The following CHRNA3 variants were observed in gnomAD, a reference collection of about 807,000 sequenced individuals.
CHRNA3 encodes the protein cholinergic receptor nicotinic alpha 3 subunit.
In CHRNA3, 34 loss-of-function variants were observed where a neutral mutation model predicts 41.9. The ratio of observed to expected loss-of-function variants is 0.81; its 90% CI spans 0.62 to 1.08. CHRNA3 has a LOEUF of 1.08. CHRNA3 is among the 50% of genes least tolerant of loss of function. CHRNA3 has a pLI of 0.00. For missense variants in CHRNA3, 542 were observed against 638.3 expected (o/e 0.85, Z 1.63); for synonymous variants, 281 against 265.2 (o/e 1.06, Z -0.58).
At chr15:78,613,220 G>A (rs925295936) in intron 4 of CHRNA3, among the ~76,000 whole-genome samples, 1 of 152,118 alleles carries the variant, frequency 6.6e-6, no homozygotes, top group Non-Finnish European at 1.5e-5. Flanking sequence ...CCATTACTGG[G>A]TATATACCCA....
In CHRNA3 at chr15:78,615,844, G is replaced by A. The variant is rs1377349040; in HGVS notation, c.377+1180C>T. On this transcript the variant is annotated intron_variant, in intron 4 of 5. Transcript: ENST00000326828. ...CAGCCTCTACCTACCAGGTTCAAGC[G>A]ATTCTCCTGCCTCAGCCTCTGGAGT... Among the ~76,000 whole-genome samples the A allele has an allele frequency of 2.0e-5, 3 of 148,244 alleles. No individual in the cohort carries two copies. The Admixed American group carries it at 2.0e-4, about 10-fold the overall frequency.
chr15:78,606,739 A>G (rs1473386793), intron 4 of CHRNA3, among the ~76,000 whole-genome samples: 1 of 151,756 alleles, frequency 6.6e-6, no homozygotes, highest in Non-Finnish European at 1.5e-5. Flanking sequence ...ACTAAAAAAA[A>G]TACAAAAAAA....
chr15:78,620,400 C>CGGGCAGCGCGGGGCAG, intron 1 of CHRNA3: 2 of 225,550 alleles, frequency 8.9e-6, no homozygotes, highest in Non-Finnish European at 1.8e-5. Flanking sequence ...AGCGCGGGGA[C>CGGGCAGCGCGGGGCAG]GCGAATCCCC....
chr15:78,620,737 G>T lies in CHRNA3; in HGVS notation c.58C>A (p.Leu20Met). Residue 20 changes from leucine to methionine, a missense_variant, in exon 1 of 6, where the codon CTG (leucine) becomes ATG (methionine). By Grantham distance (15) the Leu-to-Met change is conservative. Coordinates refer to ENST00000326828, the MANE Select transcript of CHRNA3 (RefSeq NM_000743.5). ...CCTGGCAGCAGAGACAGCAGCAGCA[G>T]CAGCAGCAGCCGCGGCGGCGACAGC... ...LALSPPRLLL[L>M]LLLSLLPVAR... is the part of the protein sequence containing the mutation. The T allele has an allele frequency of 6.7e-7, 1 of 1,500,710 alleles. No homozygotes were observed. Among genetic ancestry groups the T allele is most frequent in the Admixed American group, 2.1e-5 (1 of 47,996 alleles). The allele number at this position is 1,500,710 out of a possible 1,614,324, so 93.0% of individuals were successfully genotyped here.
At chr15:78,614,026 A>G (rs2053425973) in intron 4 of CHRNA3, among the ~76,000 whole-genome samples, 1 of 152,168 alleles carries the variant, frequency 6.6e-6, no homozygotes, top group South Asian at 2.1e-4. Flanking sequence ...AGGAGAAGAG[A>G]GAGAACATGA....
At chr15:78,594,198 T>C (rs967431073), downstream of CHRNA3, 2 of 152,252 alleles carry the variant, frequency 1.3e-5, no homozygotes, top group Non-Finnish European at 2.9e-5. Flanking sequence ...TAGCTTCCAC[T>C]GTAAAGTCAT....
Position 78,595,766 on chromosome 15 carries a change from T to G in CHRNA3, c.*838A>C, listed in dbSNP as rs774510192. On this transcript the variant is annotated 3_prime_UTR_variant, in exon 6 of 6. Transcript: ENST00000326828. ...CAGCGTGATTGTCTTAGATAGAAGGTGGGGCCTTGGAAAGGTGATTAGGCC... is the reference window on the plus strand; with the variant it reads ...CAGCGTGATTGTCTTAGATAGAAGGGGGGGCCTTGGAAAGGTGATTAGGCC... The G allele has an allele frequency of 6.6e-6, 1 of 152,368 alleles. No individual in the cohort carries two copies. Among genetic ancestry groups the G allele is most frequent in the East Asian group, 1.9e-4 (1 of 5,188 alleles). The allele number at this position is 152,368 out of a possible 1,614,324, so 9.4% of individuals were successfully genotyped here. A position where few individuals can be genotyped will look rare whatever the true frequency, so the allele number is the denominator to read the frequency against.
chr15:78,601,209 G>A (rs1234142603), intron 5 of CHRNA3, 44 bp downstream of exon 5: 11 of 1,578,778 alleles, frequency 7.0e-6, no homozygotes, highest in African/African-American at 1.4e-5. Context: ...ATAAATATTT[G>A]TTGAATGAAT....
Position 78,601,886 on chromosome 15 carries a change from G to C in CHRNA3, c.756C>G (p.Cys252Trp), listed in dbSNP as rs1331592185. 1 of 1,614,148 alleles carries C rather than the reference G, an allele frequency of 6.2e-7. No homozygotes were observed. Residue 252 changes from cysteine to tryptophan, a missense_variant, in exon 5 of 6, where the codon TGC becomes TGG. Physicochemically the swap from Cys to Trp is radical, Grantham distance 215. Transcript: ENST00000326828. Reference protein sequence around the residue: ...LFYTINLIIPCLLISFLTVLV... With the variant: ...LFYTINLIIPWLLISFLTVLV... ...GCACAGTGAGGAAGGAGATGAGCAG[G>C]CAGGGGATGATGAGGTTGATGGTGT...
At chr15:78,593,086 T>G (rs2053037105), downstream of CHRNA3, 1 of 1,599,396 alleles carries the variant, frequency 6.3e-7, no homozygotes, top group African/African-American at 1.4e-5. Context: ...ATTTTTTTCC[T>G]AACAGGTTGT....
At chr15:78,618,140 G>A (rs2053493158) in intron 3 of CHRNA3, among the ~76,000 whole-genome samples, 1 of 152,178 alleles carries the variant, frequency 6.6e-6, no homozygotes, top group African/African-American at 2.4e-5. Flanking sequence ...CCAGCTACTT[G>A]GGAGGCTGAG....
intron 5 of CHRNA3, 82 bp downstream of exon 5, chr15:78,601,171 A>C: frequency 4.2e-6 from 6 of 1,420,406 alleles, no homozygotes; most frequent in Non-Finnish European, 5.8e-6. Context: ...TTAACCCCCT[A>C]CCCTATGCCT....
At chr15:78,605,465 G>A (rs926365629) in intron 4 of CHRNA3, among the ~76,000 whole-genome samples, 3 of 152,120 alleles carry the variant, frequency 2.0e-5, no homozygotes, top group Non-Finnish European at 4.4e-5. Context: ...AAGATCCTAA[G>A]AGTGCCAGAC....
chr15:78,612,999 G>A (rs1288211657), intron 4 of CHRNA3, among the ~76,000 whole-genome samples: 5 of 152,148 alleles, frequency 3.3e-5, no homozygotes, highest in East Asian at 1.9e-4. Flanking sequence ...TCAGAGAAAT[G>A]CAAATCAAAA....
intron 1 of CHRNA3, chr15:78,619,278 C>T (rs1047366827): frequency 3.6e-6 from 1 of 274,210 alleles, no homozygotes; most frequent in Admixed American, 4.9e-5. Flanking sequence ...GGATTATAAA[C>T]GTATCCACCT....
chr15:78,596,423 TAATA>T lies in CHRNA3; in HGVS notation c.*177_*180del, dbSNP rs1193170052. 3.9e-6 allele frequency: 5 copies of T among 1,279,480 alleles called. No homozygotes were observed. Among genetic ancestry groups the T allele is most frequent in the Admixed American group, 8.0e-5 (2 of 25,084 alleles). The allele number at this position is 1,279,480 out of a possible 1,614,324, so 79.3% of individuals were successfully genotyped here. On this transcript the variant is annotated 3_prime_UTR_variant, in exon 6 of 6. Coordinates refer to ENST00000326828, the MANE Select transcript of CHRNA3 (RefSeq NM_000743.5). Reference sequence around the variant, plus strand: ...GGCTAGTTAAATGTTCATTTATCGGTAATAAATACTCTTGACATTTTTTTTTTTG... The same window carrying T: ...GGCTAGTTAAATGTTCATTTATCGGTAATACTCTTGACATTTTTTTTTTTG...
chr15:78,610,277 T>C (rs899672420), intron 4 of CHRNA3, among the ~76,000 whole-genome samples: 6 of 152,346 alleles, frequency 3.9e-5, no homozygotes, highest in African/African-American at 1.4e-4. Flanking sequence ...CATACATTTT[T>C]TTCAGCACCA....
chr15:78,593,495 T>G (rs1373866658), downstream of CHRNA3: 2 of 287,962 alleles, frequency 6.9e-6, no homozygotes, highest in African/African-American at 4.4e-5. Context: ...ACTGGACTAG[T>G]GAAAAATCTA....
chr15:78,598,833 G>A (rs2053152304), intron 5 of CHRNA3, among the ~76,000 whole-genome samples: 1 of 135,508 alleles, frequency 7.4e-6, no homozygotes, highest in Non-Finnish European at 1.6e-5. Context: ...ACTGCACCCG[G>A]CATTTTTTTT....
Sources: allele counts gnomAD v4.1 joint callset (sites outside exome capture counted in the v4.1 genomes callset), GRCh38; gene constraint gnomAD v4.1.1; transcripts MANE v1.5; gene names NCBI Gene and HGNC (gene_info 2026-07-23, HGNC 2026-07-21).